DNAH17: variants seen among roughly 807,000 people sequenced by gnomAD.
DNAH17 encodes the protein axonemal beta dynein heavy chain 17.
DNAH17 carries 376 observed loss-of-function variants against 485.6 expected under a neutral mutation model. The ratio of observed to expected loss-of-function variants is 0.77; its 90% CI spans 0.71 to 0.84. DNAH17 has a LOEUF of 0.84. Ranked by LOEUF, DNAH17 falls within the 40% of genes least tolerant of loss-of-function variation. DNAH17 has a pLI of 0.00. For missense variants in DNAH17, 6,370 were observed against 5,839.3 expected, an observed-to-expected ratio of 1.09 and a Z score of -2.96; for synonymous variants, 3,031 against 2,405.9, an observed-to-expected ratio of 1.26 and a Z score of -7.60.
intron 8 of DNAH17, 27 bp downstream of exon 8, chr17:78,569,348 G>C: frequency 6.2e-7 from 1 of 1,611,362 alleles, no homozygotes; most frequent in South Asian, 1.1e-5. Flanking sequence ...GTCCTGCCTT[G>C]GCCCTCGCCC....
chr17:78,430,222 C>T (rs748516039), intron 75 of DNAH17, among the ~76,000 whole-genome samples: 2 of 152,194 alleles, frequency 1.3e-5, no homozygotes, highest in Admixed American at 6.5e-5. Context: ...AGCAGAAGGA[C>T]GGTGGGAGCC....
rs2092165986 is a variant in DNAH17, at chr17:78,561,953, C to G, written c.1597G>C (p.Glu533Gln). The change falls in exon 12 of 81, where the codon GAG becomes CAG. Residue 533 changes from glutamate (E) to glutamine (Q), a missense_variant. Transcript: ENST00000389840. Reference sequence around the variant, plus strand: ...ACCTCGGCAAGAATCAGGGGCCGCTCCATGAGGCCCCCACACATGTACAGG... The same window carrying G: ...ACCTCGGCAAGAATCAGGGGCCGCTGCATGAGGCCCCCACACATGTACAGG... ...KLLYMCGGLM[E>Q]RPLILAEVAP... 6.2e-7 allele frequency: 1 copy of G among 1,610,554 alleles called. No homozygotes were observed. Among genetic ancestry groups the G allele is most frequent in the Non-Finnish European group, 8.5e-7 (1 of 1,178,418 alleles).
At position 78,466,703 on chromosome 17, in the gene DNAH17, C is replaced by G. The variant is rs767422089; in HGVS notation, c.8892G>C (p.Ala2964=). 1.9e-6 allele frequency: 3 copies of G among 1,612,538 alleles called. No individual in the cohort carries two copies. In the South Asian group the frequency reaches 3.3e-5, roughly 18 times the overall value. The stretch of plus-strand genomic sequence containing the variant: ...GGAAGCGGGCGCTGACGGACACCAG[C>G]GCATCTTCCGGCCACTCGTGGAACC... ...IDWFHEWPED[A]LVSVSARFLE... The change falls in exon 56 of 81, where the codon GCG becomes GCC. Residue 2964 remains alanine (A), a synonymous_variant. Coordinates refer to ENST00000389840, the MANE Select transcript of DNAH17 (RefSeq NM_173628.4).
intron 31 of DNAH17, among the ~76,000 whole-genome samples, chr17:78,504,912 T>C (rs1200709099): frequency 1.2e-4 from 17 of 141,470 alleles, no homozygotes; most frequent in African/African-American, 4.0e-4. Context: ...TTTTTTTTTT[T>C]TTTTTTTTTT....
At chr17:78,532,957 G>T in intron 19 of DNAH17, 1 of 512,856 alleles carries the variant, frequency 1.9e-6, no homozygotes. Context: ...CAAACTTAGT[G>T]GATAGCACAC....
At chr17:78,558,013 G>A in intron 14 of DNAH17, 95 bp downstream of exon 14, 1 of 1,408,068 alleles carries the variant, frequency 7.1e-7, no homozygotes, top group Non-Finnish European at 9.5e-7. Flanking sequence ...AGATTTCCCA[G>A]GAAGAGCCAC....
Position 78,526,693 on chromosome 17 carries a change from C to T in DNAH17, c.3669G>A (p.Pro1223=), listed in dbSNP as rs370518779. 1.0e-4 allele frequency: 166 copies of T among 1,610,950 alleles called. No individual in the cohort carries two copies. In the East Asian group the frequency reaches 2.5e-3, roughly 24 times the overall value. Residue 1223 remains proline, a synonymous_variant, in exon 24 of 81, where the codon CCG becomes CCA. Coordinates refer to ENST00000389840, the MANE Select transcript of DNAH17 (RefSeq NM_173628.4). The stretch of plus-strand genomic sequence containing the variant: ...AGGGGTTGGGGTCGCTGAAGGAGAA[C>T]GGGGCCTCGCGCCTGAACCTCTCCC... The part of the protein sequence containing the change: ...EFRERFRREA[P]FSFSDPNPYK...
Position 78,437,570 on chromosome 17 carries a change from C to T in DNAH17, c.12033+71G>A, listed in dbSNP as rs373412035. On this transcript the variant is annotated intron_variant, in intron 74 of 80. Transcript: ENST00000389840. ...GTTCAGAGCGGTCCTCAGTGGTCCT[C>T]GGGGCCCCAAGGGATGGATGCCAGG... 3,396 of 1,325,890 alleles carry T rather than the reference C, an allele frequency of 2.6e-3. 9 individuals are homozygous for T. Among genetic ancestry groups the T allele is most frequent in the Non-Finnish European group, 3.4e-3 (3,280 of 965,850 alleles). The allele number at this position is 1,325,890 out of a possible 1,614,324, so 82.1% of individuals were successfully genotyped here. A position where few individuals can be genotyped will look rare whatever the true frequency, so the allele number is the denominator to read the frequency against.
Position 78,429,315 on chromosome 17 carries a change from C to G in DNAH17, c.12226-15G>C, listed in dbSNP as rs1351090849. 6.2e-7 allele frequency: 1 copy of G among 1,610,308 alleles called. No individual in the cohort carries two copies. The highest frequency in any genetic ancestry group is 1.1e-5 in the South Asian group (1 of 90,968). On this transcript the variant is annotated splice_polypyrimidine_tract_variant and intron_variant, in intron 75 of 80. Coordinates refer to ENST00000389840, the MANE Select transcript of DNAH17 (RefSeq NM_173628.4). ...TCCCAGGGCACCTGAGGAAGGATGA[C>G]AGCGGGTAGGGGAAAGTGCCCCTGT...
At chr17:78,428,460 G>A (rs1881662104) in intron 77 of DNAH17, 65 bp downstream of exon 77, 17 of 1,536,944 alleles carry the variant, frequency 1.1e-5, no homozygotes, top group Non-Finnish European at 1.2e-5. Flanking sequence ...CAGTCCCTGT[G>A]ACCCCCTCCT....
At chr17:78,446,640 A>G (rs945191495) in intron 69 of DNAH17, among the ~76,000 whole-genome samples, 1 of 151,242 alleles carries the variant, frequency 6.6e-6, no homozygotes, top group Non-Finnish European at 1.5e-5. Context: ...TTATTTTATT[A>G]TTTATTATTA....
rs553029796 is a variant in DNAH17 at position 78,454,545 on chromosome 17, G to T, written c.10331C>A (p.Ala3444Asp). Residue 3444 changes from alanine (A) to aspartate (D), a missense_variant, in exon 64 of 81, where the codon GCC (alanine) becomes GAC (aspartate). Ala to Asp is a moderately radical substitution (Grantham distance 126, BLOSUM62 -2). Coordinates refer to ENST00000389840, the MANE Select transcript of DNAH17 (RefSeq NM_173628.4). The part of the protein sequence containing the change: ...NTERWPLIVD[A>D]QLQGIKWIKN... ...GATCCACTTGATTCCTTGGAGCTGG[G>T]CGTCCACGATCAGCGGCCACCGCTC... The T allele has an allele frequency of 8.7e-6, 14 of 1,613,182 alleles. No individual in the cohort carries two copies. In the East Asian group the frequency reaches 8.9e-5, roughly 10 times the overall value.
At position 78,451,634 on chromosome 17, in the gene DNAH17, G is replaced by A. The variant is rs1822611728; in HGVS notation, c.10569C>T (p.Pro3523=). The A allele has an allele frequency of 2.5e-6, 4 of 1,595,200 alleles. No homozygotes were observed. In the African/African-American group the frequency reaches 4.1e-5, roughly 16 times the overall value. The change falls in exon 66 of 81, where the codon CCC becomes CCT. Residue 3523 remains proline (P), a synonymous_variant. Transcript: ENST00000389840. ...TGGTGTGTAGGATCAGGCGGAACTT[G>A]GGGTGGTACTCCACCTCCTTGTCAC... ...KIGDKEVEYH[P]KFRLILHTKY...
rs751466404 is a variant in DNAH17 at position 78,526,842 on chromosome 17, TC to T, written c.3624+37del. 3.2e-4 allele frequency: 500 copies of T among 1,555,278 alleles called. 1 individual carries two copies. Among genetic ancestry groups the T allele is most frequent in the Non-Finnish European group, 4.3e-4 (490 of 1,147,690 alleles). ...GGGCCCTGGGTGAGCCCCACGCTGCTCCCCGGAAATCCCGCCACCCTGCCCC... is the reference window on the plus strand; with the variant it reads ...GGGCCCTGGGTGAGCCCCACGCTGCTCCCGGAAATCCCGCCACCCTGCCCC... On this transcript the variant is annotated intron_variant, in intron 23 of 80. Transcript: ENST00000389840.
rs567945553 is a variant in DNAH17 at position 78,509,097 on chromosome 17, G to A, written c.4236+1287C>T. ...TTCTCCTGCCTCAGCCTCCCAAAGC[G>A]CTGGGATTACAGGCATGCGCCACCA... On this transcript the variant is annotated intron_variant, in intron 27 of 80. Transcript: ENST00000389840. Among the ~76,000 whole-genome samples, 38 of 49,110 alleles carry A rather than the reference G, an allele frequency of 7.7e-4. 14 individuals carry two copies. The highest frequency in any genetic ancestry group is 3.3e-3 in the African/African-American group (31 of 9,492). The allele number at this position is 49,110 out of a possible 152,430, so 32.2% of individuals were successfully genotyped here.
At chr17:78,461,783 G>C in intron 57 of DNAH17, 75 bp from the exon 58 acceptor site, 1 of 1,452,480 alleles carries the variant, frequency 6.9e-7, no homozygotes, top group Non-Finnish European at 9.2e-7. Context: ...GGGCAGACGA[G>C]GGCTGGGAGC....
At chr17:78,469,692 A>T (rs562102560) in intron 54 of DNAH17, among the ~76,000 whole-genome samples, 1 of 152,370 alleles carries the variant, frequency 6.6e-6, no homozygotes, top group South Asian at 2.1e-4. Context: ...ATGCATGAAC[A>T]GGTACATAAA....
Position 78,552,715 on chromosome 17 carries a change from A to G in DNAH17, c.2269T>C (p.Leu757=), listed in dbSNP as rs1231682570. ...TCCGTACCTTCGCCATTCCAGAATAATGTCGTTTCAGCGCTCAATAACTTG... is the reference window on the plus strand; with the variant it reads ...TCCGTACCTTCGCCATTCCAGAATAGTGTCGTTTCAGCGCTCAATAACTTG... ...DVKLLSAETT[L]FWNGEGVFQY... is the part of the protein sequence containing the mutation. Residue 757 remains leucine, a synonymous_variant, in exon 15 of 81, where the codon TTA becomes CTA. Transcript: ENST00000389840. The G allele has an allele frequency of 1.9e-6, 3 of 1,613,804 alleles. No homozygotes were observed.
At chr17:78,514,385 G>T (rs980703251) in intron 26 of DNAH17, among the ~76,000 whole-genome samples, 4 of 151,112 alleles carry the variant, frequency 2.6e-5, no homozygotes, top group African/African-American at 9.8e-5. Flanking sequence ...GGTGCCTGTG[G>T]TCCCAGCTAC....
Sources: gnomAD v4.1 joint callset for allele counts (sites outside exome capture counted in the v4.1 genomes callset) on GRCh38, gnomAD v4.1.1 for gene constraint, MANE v1.5 for transcripts, NCBI Gene and HGNC (gene_info 2026-07-23, HGNC 2026-07-21) for gene names.